Variants in GLYR1 observed in about 807,000 individuals in gnomAD.
GLYR1 encodes glyoxylate reductase 1 homolog, also known as cytokine-like nuclear factor N-PAC.
Under a neutral mutation model 72.7 loss-of-function variants are expected in GLYR1, and 21 were observed. That is an observed-to-expected ratio of 0.29 (90% CI 0.20 to 0.42). The LOEUF is 0.42. Among genes scored for constraint, GLYR1 ranks in the 10% least tolerant of loss-of-function variants. The probability of loss-of-function intolerance (pLI) is 1.00; values close to 1 mark genes in which losing one functional copy is unlikely to be tolerated. For missense variants in GLYR1, 594 were observed against 712.1 expected (o/e 0.83, Z 1.89); for synonymous variants, 392 against 270.2 (o/e 1.45, Z -4.42).
At chr16:4,839,289 T>G (rs1312707313) in intron 3 of GLYR1, 1 of 152,420 alleles carries the variant, frequency 6.6e-6, no homozygotes, top group East Asian at 1.9e-4. Context: ...AGATGGGTCT[T>G]GCCATGTTAC....
At chr16:4,828,983 G>T (rs1169477261) in intron 5 of GLYR1, among the ~76,000 whole-genome samples, 1 of 152,086 alleles carries the variant, frequency 6.6e-6, no homozygotes, top group Non-Finnish European at 1.5e-5. Context: ...TGACAGCCCA[G>T]ATTCCTTTTG....
chr16:4,816,036 T>C (rs1358176990), intron 10 of GLYR1, among the ~76,000 whole-genome samples: 2 of 152,220 alleles, frequency 1.3e-5, no homozygotes, highest in Non-Finnish European at 2.9e-5. Flanking sequence ...TCCAAAGTGC[T>C]GGGATTATAG....
intron 5 of GLYR1, among the ~76,000 whole-genome samples, chr16:4,825,787 G>A (rs1216964989): frequency 9.9e-5 from 15 of 152,050 alleles, no homozygotes; most frequent in Admixed American, 9.8e-4. Flanking sequence ...GAGTAGCTGG[G>A]ACCACAGGCG....
At chr16:4,821,502 G>A in intron 8 of GLYR1, 45 bp downstream of exon 8, 1 of 1,613,944 alleles carries the variant, frequency 6.2e-7, no homozygotes, top group Non-Finnish European at 8.5e-7. Context: ...TGCAGTTTAA[G>A]GCCCCAGGTG....
intron 3 of GLYR1, among the ~76,000 whole-genome samples, chr16:4,835,931 T>A (rs1596387741): frequency 6.6e-6 from 1 of 152,154 alleles, no homozygotes; most frequent in Non-Finnish European, 1.5e-5. Flanking sequence ...CTGAATACAA[T>A]TTTTTCTCTA....
At chr16:4,806,682 G>A (rs575436533) in intron 15 of GLYR1, among the ~76,000 whole-genome samples, 1 of 152,092 alleles carries the variant, frequency 6.6e-6, no homozygotes, top group Non-Finnish European at 1.5e-5. Flanking sequence ...ATAAGCCACT[G>A]TGCCTGGCAA....
At chr16:4,846,781 C>T (rs1286117562) in intron 1 of GLYR1, 1 of 252,128 alleles carries the variant, frequency 4.0e-6, no homozygotes, top group Non-Finnish European at 7.8e-6. Flanking sequence ...TTTAGACAAC[C>T]CCGGCTGAGC....
At chr16:4,837,393 T>C (rs1455065653) in intron 3 of GLYR1, among the ~76,000 whole-genome samples, 2 of 151,254 alleles carry the variant, frequency 1.3e-5, no homozygotes, top group Non-Finnish European at 2.9e-5. Flanking sequence ...ATCGTGCTAC[T>C]GCACTCCAGC....
At chr16:4,816,232 C>G (rs1291607355) in intron 10 of GLYR1, among the ~76,000 whole-genome samples, 2 of 152,090 alleles carry the variant, frequency 1.3e-5, no homozygotes, top group African/African-American at 4.8e-5. Context: ...CAGCCTCTAC[C>G]TCCTGGGCCC....
chr16:4,828,047 A>G (rs1322846462), intron 5 of GLYR1, among the ~76,000 whole-genome samples: 1 of 151,832 alleles, frequency 6.6e-6, no homozygotes, highest in Non-Finnish European at 1.5e-5. Flanking sequence ...TAAGCAATGA[A>G]GTATTTTTAA....
At chr16:4,834,986 C>T (rs2085040277) in intron 3 of GLYR1, among the ~76,000 whole-genome samples, 1 of 152,156 alleles carries the variant, frequency 6.6e-6, no homozygotes, top group Non-Finnish European at 1.5e-5. Flanking sequence ...AGCTACCATA[C>T]TAACCCGTGG....
At chr16:4,809,611 CAAAA>C (rs1245851187) in intron 15 of GLYR1, among the ~76,000 whole-genome samples, 1 of 80,236 alleles carries the variant, frequency 1.2e-5, no homozygotes, top group Non-Finnish European at 2.5e-5. Flanking sequence ...AACTCCGTCT[CAAAA>C]AAAAAAAAAA....
intron 5 of GLYR1, among the ~76,000 whole-genome samples, chr16:4,830,293 C>CAT (rs2084709223): frequency 6.7e-6 from 1 of 148,684 alleles, no homozygotes; most frequent in Non-Finnish European, 1.5e-5. Flanking sequence ...CTCCTGGGCT[C>CAT]ATGTGATCTT....
chr16:4,833,027 T>A, intron 3 of GLYR1, 115 bp from the exon 4 acceptor site: 1 of 921,838 alleles, frequency 1.1e-6, no homozygotes, highest in South Asian at 2.3e-5. Flanking sequence ...GACTTTGCAA[T>A]AGGCCTTGCC....
At chr16:4,814,309 T>A (rs1398953194) in intron 11 of GLYR1, among the ~76,000 whole-genome samples, 2 of 152,232 alleles carry the variant, frequency 1.3e-5, no homozygotes, top group African/African-American at 4.8e-5. Context: ...AAGACACATT[T>A]CAGCACAGAC....
chr16:4,804,971 GAAC>G lies in GLYR1; in HGVS notation c.*262_*264del. The stretch of plus-strand genomic sequence containing the variant: ...TGTGTGTGTGTGTGTGTGTGTGTGT[GAAC>G]ACACAGCCACCTCGTCCGGGGGGCC... On this transcript the variant is annotated 3_prime_UTR_variant, in exon 16 of 16. Coordinates refer to ENST00000321919, the MANE Select transcript of GLYR1 (RefSeq NM_032569.4). 1 of 531,414 alleles carries G rather than the reference GAAC, an allele frequency of 1.9e-6. No homozygotes were observed. The highest frequency in any genetic ancestry group is 2.1e-5 in the South Asian group (1 of 48,418). The allele number at this position is 531,414 out of a possible 1,614,324, so 32.9% of individuals were successfully genotyped here.
At chr16:4,847,161 A>C in intron 1 of GLYR1, 67 bp downstream of exon 1, 2 of 1,468,174 alleles carry the variant, frequency 1.4e-6, no homozygotes, top group Non-Finnish European at 1.9e-6. Context: ...CAGGGCCGGC[A>C]GCGAACCCCG....
At chr16:4,831,928 T>C in intron 5 of GLYR1, 51 bp downstream of exon 5, 2 of 1,587,842 alleles carry the variant, frequency 1.3e-6, no homozygotes, top group Non-Finnish European at 1.7e-6. Context: ...TAACTCTACC[T>C]TGTACTAAAA....
At chr16:4,814,759 T>C (rs1423720534) in intron 10 of GLYR1, 112 bp from the exon 11 acceptor site, 1 of 826,454 alleles carries the variant, frequency 1.2e-6, no homozygotes, top group East Asian at 2.7e-5. Flanking sequence ...GGCAGGAGGC[T>C]GAGGCCGGGA....
Sources: allele counts gnomAD v4.1 joint callset (sites outside exome capture counted in the v4.1 genomes callset), GRCh38; gene constraint gnomAD v4.1.1; transcripts MANE v1.5; gene names NCBI Gene and HGNC (gene_info 2026-07-23, HGNC 2026-07-21).